The following SCAF4 variants were observed in gnomAD, a reference collection of about 807,000 sequenced individuals.
SCAF4 encodes the protein SR-related CTD associated factor 4.
SCAF4 carries 25 observed loss-of-function variants against 129.8 expected under a neutral mutation model. The ratio of observed to expected loss-of-function variants is 0.19; its 90% CI spans 0.14 to 0.27. The LOEUF is 0.27. SCAF4 is among the 10% of genes least tolerant of loss of function. SCAF4 has a pLI of 1.00. For missense variants in SCAF4, 1,246 were observed against 1,457.1 expected, an observed-to-expected ratio of 0.86 and a Z score of 2.36; for synonymous variants, 551 against 497.7, an observed-to-expected ratio of 1.11 and a Z score of -1.43.
Position 31,672,190 on chromosome 21 carries a change from T to C in SCAF4, c.2653A>G (p.Met885Val), listed in dbSNP as rs775716974. The C allele has an allele frequency of 1.1e-5, 18 of 1,605,378 alleles. No individual in the cohort carries two copies. Among genetic ancestry groups the C allele is most frequent in the African/African-American group, 4.0e-5 (3 of 74,602 alleles). The change falls in exon 20 of 20, where the codon ATG (methionine) becomes GTG (valine). Residue 885 changes from methionine to valine, a missense_variant. By Grantham distance (21) the Met-to-Val change is conservative. Transcript: ENST00000286835. ...LMPPRPMPPH[M>V]MHRGPPPGPG... Reference sequence around the variant, plus strand: ...CCTGGCGGTGGGCCTCTGTGCATCATGTGCGGTGGCATGGGACGGGGCGGC... The same window carrying C: ...CCTGGCGGTGGGCCTCTGTGCATCACGTGCGGTGGCATGGGACGGGGCGGC...
At chr21:31,711,309 T>C (rs1467874237) in intron 1 of SCAF4, among the ~76,000 whole-genome samples, 2 of 152,206 alleles carry the variant, frequency 1.3e-5, no homozygotes, top group Admixed American at 6.5e-5. Flanking sequence ...AATGCACAAA[T>C]TCACCAAACG....
At chr21:31,717,890 T>TACACAC (rs1465281491) in intron 1 of SCAF4, among the ~76,000 whole-genome samples, 5 of 104,670 alleles carry the variant, frequency 4.8e-5, no homozygotes, top group African/African-American at 2.1e-4. Context: ...TATATACACA[T>TACACAC]ATATACACAT....
chr21:31,731,466 G>A (rs1358973245), intron 1 of SCAF4, among the ~76,000 whole-genome samples, 197 bp downstream of exon 1: 1 of 152,140 alleles, frequency 6.6e-6, no homozygotes, highest in Non-Finnish European at 1.5e-5. Context: ...AGTGGGGGGA[G>A]GGGTGCGGGG....
chr21:31,695,385 T>A (rs948419167), intron 9 of SCAF4, among the ~76,000 whole-genome samples: 1 of 151,162 alleles, frequency 6.6e-6, no homozygotes, highest in African/African-American at 2.4e-5. Flanking sequence ...AGGTTTACTT[T>A]AAAAAAAAAT....
Position 31,701,020 on chromosome 21 carries a change from G to C in SCAF4, c.752C>G (p.Pro251Arg), listed in dbSNP as rs747668522. Residue 251 changes from proline (P) to arginine (R), a missense_variant, in exon 7 of 20, where the codon CCT becomes CGT. This residue lies in a region of SCAF4 where 143 missense variants were observed against 161.0 expected (regional missense o/e 0.89). Transcript: ENST00000286835. ...PSEQKAAFPPPEQKTAFDKKL... is the reference protein window; with the variant it reads ...PSEQKAAFPPREQKTAFDKKL... ...CTTGTCAAATGCAGTTTTCTGTTCA[G>C]GTGGGGGGAAAGCAGCTTTTTGTTC... 10 of 1,613,976 alleles carry C rather than the reference G, an allele frequency of 6.2e-6. No individual in the cohort carries two copies. The East Asian group carries it at 2.0e-4, about 32-fold the overall frequency.
chr21:31,710,627 G>GA (rs1280923199), intron 1 of SCAF4, among the ~76,000 whole-genome samples: 2 of 152,098 alleles, frequency 1.3e-5, no homozygotes, highest in Non-Finnish European at 2.9e-5. Context: ...ATGTAGCAGA[G>GA]AAAAAACCTG....
At chr21:31,708,620 G>GCAAAAA (rs757585134) in intron 1 of SCAF4, among the ~76,000 whole-genome samples, 1 of 152,072 alleles carries the variant, frequency 6.6e-6, no homozygotes, top group Non-Finnish European at 1.5e-5. Flanking sequence ...GAAAGGGGAT[G>GCAAAAA]CAAAAACAAA....
chr21:31,706,920 G>C, intron 1 of SCAF4: 1 of 308,872 alleles, frequency 3.2e-6, no homozygotes, highest in South Asian at 3.0e-5. Context: ...CTTCAATCCA[G>C]AGGAGTATTT....
chr21:31,672,353 G>GCCT lies in SCAF4; in HGVS notation c.2489-2_2489dup (p.Gly830dup). On this transcript the variant is annotated inframe_insertion and splice_region_variant, in exon 20 of 20. Transcript: ENST00000286835. Reference sequence around the variant, plus strand: ...CAGGACCAGGGGCAACTCCTTGAGTGCCTAAAAGACGACAAAAATAAAAAT... The same window carrying GCCT: ...CAGGACCAGGGGCAACTCCTTGAGTGCCTCCTAAAAGACGACAAAAATAAAAAT... 1 of 1,610,550 alleles carries GCCT rather than the reference G, an allele frequency of 6.2e-7. No homozygotes were observed. The highest frequency in any genetic ancestry group is 2.2e-5 in the East Asian group (1 of 44,860).
chr21:31,727,143 A>G (rs1186728230), intron 1 of SCAF4, among the ~76,000 whole-genome samples: 2 of 151,950 alleles, frequency 1.3e-5, no homozygotes, highest in African/African-American at 2.4e-5. Context: ...CAGTGGCCCA[A>G]TCTCGGTTCA....
At chr21:31,705,646 A>C (rs1361346385) in intron 2 of SCAF4, among the ~76,000 whole-genome samples, 179 bp from the exon 3 acceptor site, 2 of 152,084 alleles carry the variant, frequency 1.3e-5, no homozygotes, top group East Asian at 3.8e-4. Context: ...ATAAACTAAA[A>C]ACAGAAAACT....
At chr21:31,708,250 C>T (rs1425893645) in intron 1 of SCAF4, among the ~76,000 whole-genome samples, 4 of 151,940 alleles carry the variant, frequency 2.6e-5, no homozygotes, top group Non-Finnish European at 4.4e-5. Flanking sequence ...GTGGCGGGCA[C>T]CTGTAGTCCC....
intron 11 of SCAF4, 127 bp downstream of exon 11, chr21:31,694,077 T>G (rs1025961470): frequency 1.8e-6 from 1 of 570,296 alleles, no homozygotes; most frequent in Non-Finnish European, 3.1e-6. Context: ...TACACACATA[T>G]ACAAATACAA....
intron 3 of SCAF4, among the ~76,000 whole-genome samples, chr21:31,704,353 T>G (rs1375388523): frequency 3.3e-5 from 5 of 152,134 alleles, no homozygotes; most frequent in African/African-American, 1.2e-4. Context: ...AAATAAAAAT[T>G]AAAAACAAGA....
At chr21:31,713,915 G>A (rs901992501) in intron 1 of SCAF4, among the ~76,000 whole-genome samples, 2 of 151,780 alleles carry the variant, frequency 1.3e-5, no homozygotes, top group African/African-American at 4.8e-5. Context: ...CAAACCTCAG[G>A]AAAAAAGCTA....
chr21:31,687,322 C>T (rs1171690194), intron 16 of SCAF4, among the ~76,000 whole-genome samples: 1 of 152,144 alleles, frequency 6.6e-6, no homozygotes, highest in Non-Finnish European at 1.5e-5. Context: ...CATATATTAT[C>T]TCATTTAACC....
At chr21:31,701,583 T>G (rs2050532972) in intron 6 of SCAF4, among the ~76,000 whole-genome samples, 193 bp downstream of exon 6, 1 of 152,214 alleles carries the variant, frequency 6.6e-6, no homozygotes, top group South Asian at 2.1e-4. Flanking sequence ...CATTTCTAAG[T>G]GTGTTGTTCC....
At position 31,693,484 on chromosome 21, in the gene SCAF4, C is replaced by A; in HGVS notation, c.1323G>T (p.Arg441Ser). The A allele has an allele frequency of 6.8e-7, 1 of 1,470,448 alleles. No individual in the cohort carries two copies. The highest frequency in any genetic ancestry group is 9.2e-7 in the Non-Finnish European group (1 of 1,091,998). 91.1% of individuals were successfully genotyped at this position (1,470,448 alleles called of 1,614,324 possible). A position where few individuals can be genotyped will look rare whatever the true frequency, so the allele number is the denominator to read the frequency against. The change falls in exon 12 of 20, where the codon AGG (arginine) becomes AGT (serine). Residue 441 changes from arginine (R) to serine (S), a missense_variant and splice_region_variant. Coordinates refer to ENST00000286835, the MANE Select transcript of SCAF4 (RefSeq NM_020706.2). The part of the protein sequence containing the change: ...NRKSRSRSAS[R>S]SPKRRRSRSG... ...ATCTAGATCGCCTCCTTTTTGGTGA[C>A]CTAATGTTTTCAAGAGAAGGGAGAA...
At chr21:31,727,870 T>C (rs563890162) in intron 1 of SCAF4, among the ~76,000 whole-genome samples, 1 of 152,310 alleles carries the variant, frequency 6.6e-6, no homozygotes, top group Admixed American at 6.5e-5. Context: ...ATATAAACTA[T>C]ACAACAGACA....
Sources: gnomAD v4.1 joint callset for allele counts (sites outside exome capture counted in the v4.1 genomes callset) on GRCh38, gnomAD v4.1.1 for gene constraint, gnomAD v4.1.1 regional missense constraint, MANE v1.5 for transcripts, NCBI Gene and HGNC (gene_info 2026-07-23, HGNC 2026-07-21) for gene names.